GRID2: variants seen among roughly 807,000 people sequenced by gnomAD.
GRID2 encodes glutamate ionotropic receptor delta type subunit 2.
In GRID2, 33 loss-of-function variants were observed where a neutral mutation model predicts 114.8. That is an observed-to-expected ratio of 0.29 (90% CI 0.22 to 0.38). The LOEUF is 0.38. Among genes scored for constraint, GRID2 ranks in the 10% least tolerant of loss-of-function variants. The pLI, the probability that GRID2 is intolerant of heterozygous loss-of-function variation, is 1.00. For synonymous variants in GRID2, 505 were observed against 449.9 expected, an observed-to-expected ratio of 1.12 and a Z score of -1.55; for missense variants, 1,184 against 1,257.7, an observed-to-expected ratio of 0.94 and a Z score of 0.89.
At chr4:92,347,250 A>G (rs925956015) in intron 1 of GRID2, among the ~76,000 whole-genome samples, 1 of 152,216 alleles carries the variant, frequency 6.6e-6, no homozygotes, top group Non-Finnish European at 1.5e-5. Flanking sequence ...ATTCAATATT[A>G]GGATAGTTCA....
At chr4:93,096,437 C>G (rs10440373) in intron 3 of GRID2, among the ~76,000 whole-genome samples, 1 of 151,570 alleles carries the variant, frequency 6.6e-6, no homozygotes, top group African/African-American at 2.4e-5. Flanking sequence ...AACATAGATC[C>G]GAAAAACGTA....
intron 14 of GRID2, among the ~76,000 whole-genome samples, chr4:93,706,717 C>T (rs573135215): frequency 6.6e-6 from 1 of 152,216 alleles, no homozygotes; most frequent in South Asian, 2.1e-4. Flanking sequence ...CTTTCTGTTG[C>T]CTGATTGCTC....
intron 2 of GRID2, among the ~76,000 whole-genome samples, chr4:92,652,400 G>A (rs1224521415): frequency 6.6e-6 from 1 of 151,784 alleles, no homozygotes; most frequent in African/African-American, 2.4e-5. Context: ...ATATAGCCAA[G>A]CACGATGGCT....
chr4:92,524,051 T>C (rs890098672), intron 1 of GRID2, among the ~76,000 whole-genome samples: 5 of 152,042 alleles, frequency 3.3e-5, no homozygotes, highest in Non-Finnish European at 7.4e-5. Flanking sequence ...GAACAATCCT[T>C]CAGATAAATG....
intron 1 of GRID2, among the ~76,000 whole-genome samples, chr4:92,374,432 T>C (rs1219490914): frequency 6.6e-6 from 1 of 152,084 alleles, no homozygotes; most frequent in Admixed American, 6.6e-5. Flanking sequence ...AGCCAGTGCA[T>C]TTCTTAAATG....
intron 4 of GRID2, among the ~76,000 whole-genome samples, chr4:93,179,388 G>T (rs925033999): frequency 1.3e-5 from 2 of 152,106 alleles, no homozygotes; most frequent in Non-Finnish European, 1.5e-5. Context: ...CAAATGAAAT[G>T]TACAAGTGTC....
intron 2 of GRID2, among the ~76,000 whole-genome samples, chr4:92,646,686 G>A (rs1236154053): frequency 6.6e-6 from 1 of 152,202 alleles, no homozygotes; most frequent in African/African-American, 2.4e-5. Flanking sequence ...TGTAAAACAG[G>A]TTATTGAGGC....
intron 2 of GRID2, among the ~76,000 whole-genome samples, chr4:92,648,741 T>C (rs1050987386): frequency 2.7e-5 from 4 of 149,084 alleles, no homozygotes; most frequent in Non-Finnish European, 5.9e-5. Flanking sequence ...CATTTTAGTA[T>C]GATTTAGAGT....
chr4:92,867,847 T>A (rs1433235736), intron 2 of GRID2, among the ~76,000 whole-genome samples: 2 of 152,168 alleles, frequency 1.3e-5, no homozygotes, highest in Non-Finnish European at 2.9e-5. Flanking sequence ...AAAATATACA[T>A]AAAATGTTAG....
chr4:93,806,570 T>C (rs1197389033), intron 1 of GRID2: 1 of 152,194 alleles, frequency 6.6e-6, no homozygotes, highest in Non-Finnish European at 1.5e-5. Flanking sequence ...GAGGGAGGTA[T>C]GCATCATCAA....
chr4:93,539,376 A>G (rs60524106), intron 13 of GRID2, among the ~76,000 whole-genome samples: 20,386 of 151,906 alleles, frequency 0.13, 2,570 homozygotes, highest in African/African-American at 0.34. Flanking sequence ...TGTTTAATGT[A>G]TATGTCCTTA....
At chr4:92,394,552 A>G (rs1270824412) in intron 1 of GRID2, among the ~76,000 whole-genome samples, 2 of 152,122 alleles carry the variant, frequency 1.3e-5, no homozygotes, top group East Asian at 3.9e-4. Flanking sequence ...TTTAATTAGA[A>G]GAATGTAAGT....
intron 8 of GRID2, among the ~76,000 whole-genome samples, chr4:93,388,993 A>C (rs1315175976): frequency 1.3e-5 from 2 of 152,194 alleles, no homozygotes; most frequent in East Asian, 3.9e-4. Context: ...GAGATTGCTG[A>C]GCTTGAGATT....
At chr4:92,492,886 T>C (rs1723208322) in intron 1 of GRID2, among the ~76,000 whole-genome samples, 1 of 152,064 alleles carries the variant, frequency 6.6e-6, no homozygotes, top group Non-Finnish European at 1.5e-5. Context: ...CCCAGCACTT[T>C]TGGAGGCCTA....
chr4:92,991,621 A>T (rs1754910917), intron 2 of GRID2, among the ~76,000 whole-genome samples: 1 of 152,214 alleles, frequency 6.6e-6, no homozygotes, highest in Non-Finnish European at 1.5e-5. Context: ...ACAATTAAAA[A>T]GCAAGGAAAA....
chr4:93,409,061 A>G (rs949462607), intron 9 of GRID2, among the ~76,000 whole-genome samples: 2 of 152,132 alleles, frequency 1.3e-5, no homozygotes, highest in Non-Finnish European at 2.9e-5. Context: ...TTCTCTCCAC[A>G]TCTTTTAGGG....
chr4:92,485,275 C>CTTAT (rs1722805777), intron 1 of GRID2, among the ~76,000 whole-genome samples: 1 of 94,932 alleles, frequency 1.1e-5, no homozygotes, highest in Admixed American at 1.2e-4. Flanking sequence ...TTATATTGTC[C>CTTAT]TTATATATAA....
intron 2 of GRID2, among the ~76,000 whole-genome samples, chr4:93,072,470 C>T (rs1054693319): frequency 2.6e-5 from 4 of 151,994 alleles, no homozygotes; most frequent in Non-Finnish European, 4.4e-5. Context: ...AGCAAGTGCT[C>T]TTGAGAAAGT....
intron 1 of GRID2, among the ~76,000 whole-genome samples, chr4:92,356,941 G>A (rs1579231884): frequency 6.6e-6 from 1 of 151,752 alleles, no homozygotes. Context: ...AGCAAGGTTG[G>A]AATACCATAT....
Sources: allele counts gnomAD v4.1 joint callset (sites outside exome capture counted in the v4.1 genomes callset), GRCh38; gene constraint gnomAD v4.1.1; transcripts MANE v1.5; gene names NCBI Gene and HGNC (gene_info 2026-07-23, HGNC 2026-07-21).